PPARGC1A: variants seen among roughly 807,000 people sequenced by gnomAD.
PPARGC1A encodes PPARG coactivator 1 alpha, also known as peroxisome proliferator-activated receptor gamma coactivator 1-alpha.
PPARGC1A carries 25 observed loss-of-function variants against 88.7 expected under a neutral mutation model. That is an observed-to-expected ratio of 0.28 (90% CI 0.21 to 0.39). PPARGC1A has a LOEUF of 0.39. Among genes scored for constraint, PPARGC1A ranks in the 10% least tolerant of loss-of-function variants. PPARGC1A has a pLI of 1.00. For synonymous variants in PPARGC1A, 363 were observed against 355.6 expected (o/e 1.02, Z -0.24); for missense variants, 880 against 968.7 (o/e 0.91, Z 1.22).
chr4:24,415,324 T>C, the PPARGC1A span, among the ~76,000 whole-genome samples: 2 of 151,824 alleles, frequency 1.3e-5, no homozygotes, highest in African/African-American at 4.8e-5. Flanking sequence ...GAAAGAAAAA[T>C]AAATCATTCC....
chr4:23,889,068 A>T, intron 1 of PPARGC1A: 1 of 985,372 alleles, frequency 1.0e-6, no homozygotes, highest in Non-Finnish European at 1.2e-6. Context: ...GATTACGAGG[A>T]AACTGCTTGC....
the PPARGC1A span, among the ~76,000 whole-genome samples, chr4:24,276,094 G>T: frequency 6.6e-6 from 1 of 152,302 alleles, no homozygotes; most frequent in South Asian, 2.1e-4. Context: ...GCAGAGGGAG[G>T]ACTTAATGAA....
chr4:24,193,606 C>G, the PPARGC1A span, among the ~76,000 whole-genome samples: 1 of 152,272 alleles, frequency 6.6e-6, no homozygotes, highest in African/African-American at 2.4e-5. Context: ...CACATAGGGA[C>G]GCCATATATG....
the PPARGC1A span, among the ~76,000 whole-genome samples, chr4:24,156,671 T>C: frequency 6.6e-6 from 1 of 152,232 alleles, no homozygotes; most frequent in African/African-American, 2.4e-5. Context: ...CAATTGCTCC[T>C]CTTTATCATT....
At chr4:24,440,326 C>G in the PPARGC1A span, among the ~76,000 whole-genome samples, 1 of 152,170 alleles carries the variant, frequency 6.6e-6, no homozygotes, top group Non-Finnish European at 1.5e-5. Context: ...ATTTTTCTTT[C>G]AAGCTCCTCA....
chr4:24,139,949 C>G, the PPARGC1A span, among the ~76,000 whole-genome samples: 30 of 152,170 alleles, frequency 2.0e-4, no homozygotes, highest in African/African-American at 7.0e-4. Context: ...CAACTGAAAG[C>G]CTTTCCAAAA....
chr4:23,823,108 G>A (rs1560376336), intron 7 of PPARGC1A, among the ~76,000 whole-genome samples: 1 of 109,544 alleles, frequency 9.1e-6, no homozygotes. Context: ...TGTGAGTGTG[G>A]AAAAATATTC....
At chr4:24,387,818 A>AAGAAAGAAAG in the PPARGC1A span, among the ~76,000 whole-genome samples, 4 of 81,074 alleles carry the variant, frequency 4.9e-5, no homozygotes, top group Admixed American at 3.0e-4. Flanking sequence ...GAAAGAAAGA[A>AAGAAAGAAAG]AGAAAGAGAG....
At chr4:24,247,950 GCA>G in the PPARGC1A span, among the ~76,000 whole-genome samples, 1 of 152,168 alleles carries the variant, frequency 6.6e-6, no homozygotes, top group East Asian at 1.9e-4. Flanking sequence ...ATCTGGCTGG[GCA>G]CAGAGTTTCC....
At chr4:23,995,629 C>A in the PPARGC1A span, among the ~76,000 whole-genome samples, 1 of 152,162 alleles carries the variant, frequency 6.6e-6, no homozygotes, top group Non-Finnish European at 1.5e-5. Context: ...TTACAGTACA[C>A]AGGCCTGGAA....
At chr4:23,944,492 A>T in the PPARGC1A span, among the ~76,000 whole-genome samples, 2 of 152,202 alleles carry the variant, frequency 1.3e-5, no homozygotes, top group African/African-American at 4.8e-5. Context: ...GGTACTTAAC[A>T]TCTGTTAAAT....
At chr4:24,023,317 T>C in the PPARGC1A span, among the ~76,000 whole-genome samples, 2 of 151,990 alleles carry the variant, frequency 1.3e-5, no homozygotes, top group Non-Finnish European at 2.9e-5. Flanking sequence ...GCTTAAGTTA[T>C]AAAAAAGTTT....
intron 1 of PPARGC1A, among the ~76,000 whole-genome samples, chr4:23,886,553 C>CTCTTTCCTTATCAATTTATTGG (rs1716927373): frequency 6.6e-6 from 1 of 152,192 alleles, no homozygotes; most frequent in Non-Finnish European, 1.5e-5. Flanking sequence ...ACCATCAAAA[C>CTCTTTCCTTATCAATTTATTGG]TCTTTCCTTA....
At chr4:23,894,322 C>T (rs1218282223), upstream of PPARGC1A, among the ~76,000 whole-genome samples, 1 of 151,854 alleles carries the variant, frequency 6.6e-6, no homozygotes, top group Admixed American at 6.6e-5. Flanking sequence ...ATCCTGATAC[C>T]CCACATCAGT....
At chr4:24,034,657 T>C in the PPARGC1A span, among the ~76,000 whole-genome samples, 1 of 152,218 alleles carries the variant, frequency 6.6e-6, no homozygotes. Flanking sequence ...GTAACAGGTA[T>C]ATCATGATTA....
the PPARGC1A span, among the ~76,000 whole-genome samples, chr4:24,056,515 G>A: frequency 6.6e-6 from 1 of 152,116 alleles, no homozygotes; most frequent in Non-Finnish European, 1.5e-5. Context: ...CCATTAAAAG[G>A]AAAAAGAAAA....
At chr4:24,187,095 C>T in the PPARGC1A span, among the ~76,000 whole-genome samples, 1 of 152,174 alleles carries the variant, frequency 6.6e-6, no homozygotes, top group Non-Finnish European at 1.5e-5. Flanking sequence ...GTACTAGTCC[C>T]CTTTGCCTAT....
the PPARGC1A span, among the ~76,000 whole-genome samples, chr4:24,399,401 C>A: frequency 2.6e-4 from 40 of 152,306 alleles, no homozygotes; most frequent in Non-Finnish European, 4.9e-4. Flanking sequence ...TATCCCTACA[C>A]AATGGGAGAA....
the PPARGC1A span, among the ~76,000 whole-genome samples, chr4:23,969,096 C>T: frequency 6.6e-6 from 1 of 152,144 alleles, no homozygotes; most frequent in African/African-American, 2.4e-5. Flanking sequence ...GAGCTCTGTG[C>T]CTCAGAAAAG....
Sources: allele counts gnomAD v4.1 joint callset (sites outside exome capture counted in the v4.1 genomes callset), GRCh38; gene constraint gnomAD v4.1.1; transcripts MANE v1.5; gene names NCBI Gene and HGNC (gene_info 2026-07-23, HGNC 2026-07-21).